Variants in SLC39A11 observed in about 807,000 individuals in gnomAD.
SLC39A11 encodes zinc transporter ZIP11.
In SLC39A11, 33 loss-of-function variants were observed where a neutral mutation model predicts 36.1. The ratio of observed to expected loss-of-function variants is 0.91; its 90% CI spans 0.69 to 1.22. SLC39A11 has a LOEUF of 1.22. Among genes scored for constraint, SLC39A11 ranks in the 50% most tolerant of loss-of-function variants. The pLI, the probability that SLC39A11 is intolerant of heterozygous loss-of-function variation, is 0.00. For missense variants in SLC39A11, 432 were observed against 430.3 expected (o/e 1.00, Z -0.03); for synonymous variants, 166 against 170.3 (o/e 0.97, Z 0.20).
intron 3 of SLC39A11, among the ~76,000 whole-genome samples, chr17:73,052,839 T>C (rs2059552380): frequency 6.6e-6 from 1 of 152,134 alleles, no homozygotes; most frequent in South Asian, 2.1e-4. Context: ...TAGCTGGAAT[T>C]ACAGGAGCGT....
At chr17:72,995,859 C>T (rs527313194) in intron 4 of SLC39A11, among the ~76,000 whole-genome samples, 19 of 152,170 alleles carry the variant, frequency 1.2e-4, no homozygotes, top group South Asian at 2.1e-4. Flanking sequence ...ATCCTCCCCC[C>T]GCCCAATGAA....
intron 4 of SLC39A11, among the ~76,000 whole-genome samples, chr17:72,971,890 G>A (rs2087486516): frequency 6.6e-6 from 1 of 152,274 alleles, no homozygotes; most frequent in East Asian, 1.9e-4. Context: ...AAGCACCTAC[G>A]GTTTGCAGAC....
rs758355695 is a variant in SLC39A11 at position 73,004,227 on chromosome 17, G to GAAAGAAAAGA, written c.306+27319_306+27328dup. 1.1e-4 allele frequency among the ~76,000 whole-genome samples: 10 copies of GAAAGAAAAGA among 92,502 alleles called. No individual in the cohort carries two copies. The East Asian group carries it at 1.2e-3, about 11-fold the overall frequency. 60.7% of individuals were successfully genotyped at this position (92,502 alleles called of 152,430 possible). A position where few individuals can be genotyped will look rare whatever the true frequency, so the allele number is the denominator to read the frequency against. Reference sequence around the variant, plus strand: ...AGAAAGAAAGAAAGAAAGAAAGAAAGAAAGAAAAGAAAGAAAGAGAAAAAG... The same window carrying GAAAGAAAAGA: ...AGAAAGAAAGAAAGAAAGAAAGAAAGAAAGAAAAGAAAAGAAAAGAAAGAAAGAGAAAAAG... On this transcript the variant is annotated intron_variant, in intron 4 of 9. Coordinates refer to ENST00000255559, the MANE Select transcript of SLC39A11 (RefSeq NM_139177.4).
At chr17:72,943,073 C>A (rs7211822) in intron 5 of SLC39A11, among the ~76,000 whole-genome samples, 78,157 of 151,966 alleles carry the variant, frequency 0.51, 21,257 homozygotes, top group South Asian at 0.66. Flanking sequence ...ATTCCAAATA[C>A]AAGACTGAAA....
chr17:72,845,000 A>T lies in SLC39A11; in HGVS notation c.601+4634T>A, dbSNP rs2078986775. On this transcript the variant is annotated intron_variant, in intron 6 of 9. Transcript: ENST00000255559. ...TCCATCGGCAAATCCCATTGGCTCC[A>T]CCTTCAATCGGGACCCAGGAAGGGA... 2.0e-5 allele frequency among the ~76,000 whole-genome samples: 3 copies of T among 152,078 alleles called. No individual in the cohort carries two copies. The South Asian group carries it at 6.2e-4, about 32-fold the overall frequency.
chr17:72,872,678 A>G (rs2080696342), intron 5 of SLC39A11, among the ~76,000 whole-genome samples: 1 of 152,190 alleles, frequency 6.6e-6, no homozygotes, highest in African/African-American at 2.4e-5. Context: ...AGATGATAAC[A>G]GTCCCTTGCC....
chr17:72,916,161 G>A (rs1363018727), intron 5 of SLC39A11, among the ~76,000 whole-genome samples: 1 of 151,664 alleles, frequency 6.6e-6, no homozygotes, highest in East Asian at 1.9e-4. Context: ...TCCAAGACAC[G>A]ACATTGTGAG....
chr17:72,662,523 G>GAGAA (rs72407732), intron 7 of SLC39A11, among the ~76,000 whole-genome samples: 1 of 124,472 alleles, frequency 8.0e-6, no homozygotes, highest in Non-Finnish European at 1.6e-5. Flanking sequence ...AGAGAAGAAA[G>GAGAA]AGAAAGAAAG....
rs111975105 is a variant in SLC39A11, at chr17:72,747,715, C to G, written c.602-10996G>C. 1.1e-3 allele frequency among the ~76,000 whole-genome samples: 172 copies of G among 152,244 alleles called. 2 individuals are homozygous for G. Among genetic ancestry groups the G allele is most frequent in the Middle Eastern group, 6.8e-3 (2 of 294 alleles). ...AGCTGGCTGATGATTTGCTGATAAC[C>G]CTGCATGGCGTGTCTTTGGTTGCAA... On this transcript the variant is annotated intron_variant, in intron 6 of 9. Transcript: ENST00000255559.
At chr17:72,855,673 G>A (rs367888049) in intron 5 of SLC39A11, among the ~76,000 whole-genome samples, 1 of 152,206 alleles carries the variant, frequency 6.6e-6, no homozygotes, top group Non-Finnish European at 1.5e-5. Context: ...GAGGTGGGCA[G>A]ATCACAAGGT....
At position 72,861,749 on chromosome 17, in the gene SLC39A11, T is replaced by C. The variant is rs1364857743; in HGVS notation, c.431-11945A>G. Among the ~76,000 whole-genome samples the C allele has an allele frequency of 1.7e-4, 4 of 22,862 alleles. No homozygotes were observed. The African/African-American group carries it at 1.9e-3, about 11-fold the overall frequency. 15.0% of individuals were successfully genotyped at this position (22,862 alleles called of 152,430 possible). A position where few individuals can be genotyped will look rare whatever the true frequency, so the allele number is the denominator to read the frequency against. On this transcript the variant is annotated intron_variant, in intron 5 of 9. Coordinates refer to ENST00000255559, the MANE Select transcript of SLC39A11 (RefSeq NM_139177.4). ...ATACACACATTGGAGATTATATATA[T>C]ATATATATATATATATATATATATA...
chr17:72,902,571 G>A (rs1323339763), intron 5 of SLC39A11, among the ~76,000 whole-genome samples: 1 of 152,186 alleles, frequency 6.6e-6, no homozygotes. Flanking sequence ...TACTCCATAG[G>A]AAATGAATGC....
intron 6 of SLC39A11, among the ~76,000 whole-genome samples, chr17:72,842,859 T>G (rs2078881176): frequency 6.6e-6 from 1 of 152,224 alleles, no homozygotes; most frequent in Non-Finnish European, 1.5e-5. Context: ...TGCCTGCATC[T>G]GCTGGTCTGC....
intron 7 of SLC39A11, among the ~76,000 whole-genome samples, chr17:72,686,666 G>A (rs1296611701): frequency 6.6e-6 from 1 of 152,196 alleles, no homozygotes; most frequent in Non-Finnish European, 1.5e-5. Context: ...ATGGCCCAAC[G>A]ACATGCTAGC....
chr17:73,013,792 TCACATC>T (rs2148522762), intron 4 of SLC39A11, among the ~76,000 whole-genome samples: 1 of 152,048 alleles, frequency 6.6e-6, no homozygotes, highest in South Asian at 2.1e-4. Flanking sequence ...CTGTAAAGGA[TCACATC>T]CACATGGTTT....
At chr17:72,718,239 G>C (rs371921573) in intron 7 of SLC39A11, among the ~76,000 whole-genome samples, 15 of 152,076 alleles carry the variant, frequency 9.9e-5, no homozygotes, top group Non-Finnish European at 1.6e-4. Flanking sequence ...TTTGAGGTCA[G>C]GAGTTTGAGA....
At chr17:73,011,433 C>T (rs192329246) in intron 4 of SLC39A11, among the ~76,000 whole-genome samples, 149 of 152,172 alleles carry the variant, frequency 9.8e-4, no homozygotes, top group Admixed American at 2.9e-3. Context: ...GGGTTTCAGC[C>T]AGAAACACAA....
At chr17:72,787,645 ATTCAGTC>A (rs2076567549) in intron 6 of SLC39A11, among the ~76,000 whole-genome samples, 1 of 152,130 alleles carries the variant, frequency 6.6e-6, no homozygotes, top group Non-Finnish European at 1.5e-5. Context: ...CTTTCTAACT[ATTCAGTC>A]TATCATATAC....
intron 6 of SLC39A11, among the ~76,000 whole-genome samples, chr17:72,786,878 G>A (rs899958668): frequency 5.3e-5 from 8 of 152,156 alleles, no homozygotes; most frequent in African/African-American, 1.2e-4. Flanking sequence ...GAAGTGCAAT[G>A]GCGCAATCTT....
Sources: gnomAD v4.1 joint callset for allele counts (sites outside exome capture counted in the v4.1 genomes callset) on GRCh38, gnomAD v4.1.1 for gene constraint, MANE v1.5 for transcripts, NCBI Gene and HGNC (gene_info 2026-07-23, HGNC 2026-07-21) for gene names.